CCDC7: variants seen among roughly 807,000 people sequenced by gnomAD.
CCDC7 encodes the protein coiled-coil domain-containing protein 7.
In CCDC7, 183 loss-of-function variants were observed where a neutral mutation model predicts 196.9. The ratio of observed to expected loss-of-function variants is 0.93; its 90% CI spans 0.82 to 1.05. The LOEUF (loss-of-function observed/expected upper bound fraction) is 1.05. Among genes scored for constraint, CCDC7 ranks in the 50% least tolerant of loss-of-function variants. The probability of loss-of-function intolerance (pLI) is 0.00; values close to 1 mark genes in which losing one functional copy is unlikely to be tolerated. For synonymous variants in CCDC7, 525 were observed against 484.6 expected, an observed-to-expected ratio of 1.08 and a Z score of -1.10; for missense variants, 1,540 against 1,482.2, an observed-to-expected ratio of 1.04 and a Z score of -0.64.
At chr10:32,633,215 A>G (rs71493135) in intron 18 of CCDC7, among the ~76,000 whole-genome samples, 18 of 2,058 alleles carry the variant, frequency 8.7e-3, no homozygotes, top group African/African-American at 0.031. Flanking sequence ...GCGTGCACGC[A>G]CACACACACA....
chr10:32,660,114 CT>C lies in CCDC7; in HGVS notation c.2015-3930del, dbSNP rs551712904. On this transcript the variant is annotated intron_variant, in intron 20 of 41. Transcript: ENST00000639629. ...CCTCTTTACTTTTTCCTCTGTTTTT[CT>C]TTTTTTTTTCTTTTTTTTTAATATT... Among the ~76,000 whole-genome samples the C allele has an allele frequency of 6.4e-3, 948 of 147,936 alleles. 9 individuals carry two copies. Among genetic ancestry groups the C allele is most frequent in the African/African-American group, 0.022 (869 of 40,248 alleles).
chr10:32,641,587 A>G (rs1343659770), intron 20 of CCDC7, among the ~76,000 whole-genome samples: 5 of 152,092 alleles, frequency 3.3e-5, no homozygotes, highest in Admixed American at 1.3e-4. Flanking sequence ...CTCCTTTGCA[A>G]TGGGTTCGAA....
At chr10:32,710,671 C>G (rs933369043) in intron 24 of CCDC7, among the ~76,000 whole-genome samples, 1 of 152,198 alleles carries the variant, frequency 6.6e-6, no homozygotes, top group African/African-American at 2.4e-5. Flanking sequence ...CAGACTCTTG[C>G]AAATGATCCA....
At chr10:32,483,131 C>G (rs1416966403) in intron 8 of CCDC7, among the ~76,000 whole-genome samples, 1 of 152,162 alleles carries the variant, frequency 6.6e-6, no homozygotes, top group East Asian at 1.9e-4. Flanking sequence ...TAAAAGTGTT[C>G]CTATTTCTCC....
chr10:32,455,664 C>A (rs528751764), intron 2 of CCDC7, among the ~76,000 whole-genome samples: 4 of 152,252 alleles, frequency 2.6e-5, no homozygotes, highest in Non-Finnish European at 5.9e-5. Context: ...TCATGGAGAA[C>A]CACTCTATGA....
At chr10:32,611,864 G>C (rs187679011) in intron 18 of CCDC7, among the ~76,000 whole-genome samples, 1 of 152,152 alleles carries the variant, frequency 6.6e-6, no homozygotes, top group Non-Finnish European at 1.5e-5. Flanking sequence ...GATGCCTCTA[G>C]CTCTGATCTT....
At chr10:32,597,831 C>T (rs1030595933) in intron 18 of CCDC7, among the ~76,000 whole-genome samples, 4 of 152,198 alleles carry the variant, frequency 2.6e-5, no homozygotes, top group African/African-American at 9.6e-5. Context: ...GGCTGCAGAA[C>T]AGCAAATGTT....
At chr10:32,594,874 C>G (rs1406807150) in intron 18 of CCDC7, among the ~76,000 whole-genome samples, 1 of 152,158 alleles carries the variant, frequency 6.6e-6, no homozygotes, top group Non-Finnish European at 1.5e-5. Context: ...GTATGTTGAA[C>G]CAGCCTTGCA....
chr10:32,591,725 G>A (rs1213981874), intron 18 of CCDC7, among the ~76,000 whole-genome samples: 1 of 152,118 alleles, frequency 6.6e-6, no homozygotes, highest in Non-Finnish European at 1.5e-5. Flanking sequence ...TGCTGCCAGG[G>A]TGTTACCTGT....
chr10:32,834,585 A>G (rs983354035), intron 32 of CCDC7, among the ~76,000 whole-genome samples: 24 of 151,946 alleles, frequency 1.6e-4, no homozygotes, highest in African/African-American at 5.3e-4. Flanking sequence ...TGTTCAAATC[A>G]CTAAACTTCT....
chr10:32,565,976 T>G (rs2056722872), intron 14 of CCDC7, among the ~76,000 whole-genome samples: 1 of 152,162 alleles, frequency 6.6e-6, no homozygotes, highest in African/African-American at 2.4e-5. Context: ...GCATTCCAAT[T>G]AAACTCAGTT....
rs575898030 is a variant in CCDC7 at position 32,630,727 on chromosome 10, T to C, written c.1802-3527T>C. ...CAGAATAAACATATTTCTCAGCACATGGATCATTCTGATCTGTATAATATT... is the reference window on the plus strand; with the variant it reads ...CAGAATAAACATATTTCTCAGCACACGGATCATTCTGATCTGTATAATATT... On this transcript the variant is annotated intron_variant, in intron 18 of 41. Coordinates refer to ENST00000639629, the Ensembl canonical transcript of CCDC7. 2.0e-5 allele frequency among the ~76,000 whole-genome samples: 3 copies of C among 152,354 alleles called. No homozygotes were observed. In the South Asian group the frequency reaches 6.2e-4, roughly 32 times the overall value.
At position 32,535,653 on chromosome 10, in the gene CCDC7, C is replaced by T. The variant is rs550091146; in HGVS notation, c.994-7647C>T. ...CTTGGAGACCAAGGTTCTTATTATA[C>T]GAAATCTCATAGGTGGCTGCCCTTA... On this transcript the variant is annotated intron_variant, in intron 11 of 41. Transcript: ENST00000639629. Among the ~76,000 whole-genome samples, 29 of 152,194 alleles carry T rather than the reference C, an allele frequency of 1.9e-4. No individual in the cohort carries two copies. The South Asian group carries it at 4.6e-3, about 24-fold the overall frequency.
intron 32 of CCDC7, among the ~76,000 whole-genome samples, chr10:32,828,469 AAGAG>A (rs1565633630): frequency 5.1e-5 from 4 of 78,726 alleles, no homozygotes; most frequent in African/African-American, 1.6e-4. Flanking sequence ...GAAGAAGAGG[AAGAG>A]GAAGAGGAAG....
At chr10:32,492,917 AC>A (rs1227148111) in intron 9 of CCDC7, among the ~76,000 whole-genome samples, 1 of 151,966 alleles carries the variant, frequency 6.6e-6, no homozygotes, top group African/African-American at 2.4e-5. Context: ...TCACCTGTAA[AC>A]TCATTTAATT....
intron 18 of CCDC7, among the ~76,000 whole-genome samples, chr10:32,584,652 C>T (rs979996290): frequency 2.2e-5 from 3 of 139,388 alleles, no homozygotes; most frequent in Non-Finnish European, 4.6e-5. Flanking sequence ...ACTCAGGAGG[C>T]GGAGGCAGGA....
intron 9 of CCDC7, among the ~76,000 whole-genome samples, chr10:32,507,320 T>C (rs571097843): frequency 2.6e-5 from 4 of 151,868 alleles, no homozygotes; most frequent in Non-Finnish European, 4.4e-5. Flanking sequence ...TGTGAGTCTC[T>C]TGTGGGCAGC....
At chr10:32,576,366 C>G (rs1188759391) in intron 16 of CCDC7, among the ~76,000 whole-genome samples, 2 of 151,746 alleles carry the variant, frequency 1.3e-5, no homozygotes, top group South Asian at 2.1e-4. Context: ...TCTCTACTCC[C>G]TAACTTCTAG....
intron 8 of CCDC7, among the ~76,000 whole-genome samples, chr10:32,481,167 G>C (rs1181092365): frequency 6.6e-6 from 1 of 152,010 alleles, no homozygotes; most frequent in Non-Finnish European, 1.5e-5. Context: ...CTCATTTATT[G>C]GTTTCTAATT....
Sources: gnomAD v4.1 joint callset for allele counts (sites outside exome capture counted in the v4.1 genomes callset) on GRCh38, gnomAD v4.1.1 for gene constraint, MANE v1.5 for transcripts, NCBI Gene and HGNC (gene_info 2026-07-23, HGNC 2026-07-21) for gene names.